Variants in HSD17B12 observed in about 807,000 individuals in gnomAD.
The protein encoded by HSD17B12 is very-long-chain 3-oxoacyl-CoA reductase.
HSD17B12 carries 32 observed loss-of-function variants against 39.3 expected under a neutral mutation model. That is an observed-to-expected ratio of 0.81 (90% confidence interval 0.61 to 1.09). HSD17B12 has a LOEUF of 1.09. Among genes scored for constraint, HSD17B12 ranks in the 50% least tolerant of loss-of-function variants. The pLI, the probability that HSD17B12 is intolerant of heterozygous loss-of-function variation, is 0.00. For missense variants in HSD17B12, 342 were observed against 382.9 expected, an observed-to-expected ratio of 0.89 and a Z score of 0.89; for synonymous variants, 150 against 146.7, an observed-to-expected ratio of 1.02 and a Z score of -0.16.
the HSD17B12 span, among the ~76,000 whole-genome samples, chr11:43,646,643 G>A: frequency 6.5e-3 from 995 of 152,220 alleles, 39 homozygotes; most frequent in East Asian, 0.12. Flanking sequence ...AGAGTGGAAA[G>A]GTACATACTT....
chr11:43,571,344 C>G, the HSD17B12 span, among the ~76,000 whole-genome samples: 1 of 152,220 alleles, frequency 6.6e-6, no homozygotes, highest in Non-Finnish European at 1.5e-5. Flanking sequence ...TTAGCCTCTG[C>G]TAAGCTCAAG....
intron 4 of HSD17B12, among the ~76,000 whole-genome samples, chr11:43,804,992 G>A (rs908924422): frequency 1.1e-4 from 16 of 152,306 alleles, no homozygotes; most frequent in East Asian, 3.9e-4. Context: ...CAAAGGAAGA[G>A]CAATAGATGT....
At position 43,788,714 on chromosome 11, in the gene HSD17B12, T is replaced by C. The variant is rs1371752109; in HGVS notation, c.284-9606T>C. Among the ~76,000 whole-genome samples, 3 of 145,296 alleles carry C rather than the reference T, an allele frequency of 2.1e-5. No homozygotes were observed. The Admixed American group carries it at 2.1e-4, about 10-fold the overall frequency. On this transcript the variant is annotated intron_variant, in intron 3 of 10. Coordinates refer to ENST00000278353, the MANE Select transcript of HSD17B12 (RefSeq NM_016142.3). The stretch of plus-strand genomic sequence containing the variant: ...AAAAAAAAAAAAAAAAAAAAAGAAG[T>C]GTGATCTTGTAACTTCCCAGTTTAA...
chr11:43,633,300 G>A, the HSD17B12 span, among the ~76,000 whole-genome samples: 1 of 151,936 alleles, frequency 6.6e-6, no homozygotes, highest in Non-Finnish European at 1.5e-5. Flanking sequence ...GGGAGGCCAA[G>A]GCAGGAGGAT....
At chr11:43,660,920 T>C in the HSD17B12 span, among the ~76,000 whole-genome samples, 1 of 151,630 alleles carries the variant, frequency 6.6e-6, no homozygotes, top group Non-Finnish European at 1.5e-5. Context: ...AGGTCAGGGG[T>C]TCAAGACCAG....
At chr11:43,685,236 G>A (rs1949787646) in intron 1 of HSD17B12, among the ~76,000 whole-genome samples, 1 of 151,972 alleles carries the variant, frequency 6.6e-6, no homozygotes, top group African/African-American at 2.4e-5. Flanking sequence ...ACTTAAAAAT[G>A]GCATGGAATG....
At chr11:43,676,208 G>GGTGTGTGT (rs56092553), upstream of HSD17B12, among the ~76,000 whole-genome samples, 16,356 of 147,586 alleles carry the variant, frequency 0.11, 1,574 homozygotes, top group Admixed American at 0.24. Context: ...AGAGGAAGAG[G>GGTGTGTGT]GTGTGTGTGT....
intron 4 of HSD17B12, among the ~76,000 whole-genome samples, chr11:43,800,793 A>G (rs1428204200): frequency 2.6e-5 from 4 of 151,738 alleles, no homozygotes; most frequent in Admixed American, 6.6e-5. Flanking sequence ...CTCCTCATTC[A>G]TTCATTCATT....
the HSD17B12 span, among the ~76,000 whole-genome samples, chr11:43,660,066 T>A: frequency 1.3e-5 from 2 of 152,176 alleles, no homozygotes; most frequent in Non-Finnish European, 2.9e-5. Flanking sequence ...TCCTTCAATG[T>A]TCTCTGATCC....
At chr11:43,564,694 G>C in the HSD17B12 span, among the ~76,000 whole-genome samples, 1 of 152,074 alleles carries the variant, frequency 6.6e-6, no homozygotes, top group Non-Finnish European at 1.5e-5. Context: ...CAATTCTCTT[G>C]AGTTACAATC....
the HSD17B12 span, among the ~76,000 whole-genome samples, chr11:43,578,683 CA>C: frequency 6.8e-6 from 1 of 147,338 alleles, no homozygotes; most frequent in African/African-American, 2.5e-5. Context: ...GCCACAATTG[CA>C]AAGGAAATAG....
At chr11:43,680,729 C>T (rs1221337086), upstream of HSD17B12, 11 of 1,068,586 alleles carry the variant, frequency 1.0e-5, no homozygotes, top group Non-Finnish European at 1.6e-5. Flanking sequence ...CGGAGCAGCG[C>T]CTATTAGTGT....
At chr11:43,688,746 G>A (rs1173180211) in intron 1 of HSD17B12, among the ~76,000 whole-genome samples, 2 of 152,146 alleles carry the variant, frequency 1.3e-5, no homozygotes, top group African/African-American at 4.8e-5. Flanking sequence ...TGGAGTCAGT[G>A]GGCAAGCTGT....
the HSD17B12 span, among the ~76,000 whole-genome samples, chr11:43,572,525 T>G: frequency 6.6e-6 from 1 of 152,194 alleles, no homozygotes. Flanking sequence ...TTTGATCTGA[T>G]CCTTAGTTTT....
chr11:43,616,432 A>AAAAAAC, the HSD17B12 span, among the ~76,000 whole-genome samples: 2 of 150,820 alleles, frequency 1.3e-5, no homozygotes, highest in Non-Finnish European at 3.0e-5. Context: ...AAACAAAAAA[A>AAAAAAC]AAACAAACAA....
chr11:43,679,452 C>G (rs980473188), upstream of HSD17B12, among the ~76,000 whole-genome samples: 2 of 152,080 alleles, frequency 1.3e-5, no homozygotes, highest in African/African-American at 2.4e-5. Context: ...AAAACCCCAT[C>G]GTCTCAGCCC....
At chr11:43,694,571 C>T (rs1296233894) in intron 1 of HSD17B12, among the ~76,000 whole-genome samples, 1 of 151,690 alleles carries the variant, frequency 6.6e-6, no homozygotes, top group Non-Finnish European at 1.5e-5. Context: ...GCCTGTAGTC[C>T]CAGTTACTCA....
At chr11:43,649,685 C>T in the HSD17B12 span, among the ~76,000 whole-genome samples, 3 of 152,234 alleles carry the variant, frequency 2.0e-5, no homozygotes, top group South Asian at 4.1e-4. Context: ...ACTCTGTCAT[C>T]AGAAGGTGGA....
rs980065321 is a variant in HSD17B12 at position 43,855,922 on chromosome 11, T to C, written c.*674T>C. On this transcript the variant is annotated 3_prime_UTR_variant, in exon 11 of 11. Coordinates refer to ENST00000278353, the MANE Select transcript of HSD17B12 (RefSeq NM_016142.3). The stretch of plus-strand genomic sequence containing the variant: ...TAAATGTATGTAAATATCGAAGCTA[T>C]ATGGTATGATTTATAAAGATAAATG... 6.6e-6 allele frequency: 1 copy of C among 150,400 alleles called. No individual in the cohort carries two copies. Among genetic ancestry groups the C allele is most frequent in the African/African-American group, 2.5e-5 (1 of 40,448 alleles). 9.3% of individuals were successfully genotyped at this position (150,400 alleles called of 1,614,324 possible).
Sources: allele counts gnomAD v4.1 joint callset (sites outside exome capture counted in the v4.1 genomes callset), GRCh38; gene constraint gnomAD v4.1.1; transcripts MANE v1.5; gene names NCBI Gene and HGNC (gene_info 2026-07-23, HGNC 2026-07-21).